Variants in FSTL5 observed in about 807,000 individuals in gnomAD.
FSTL5 encodes follistatin-related protein 5.
Under a neutral mutation model 89.1 loss-of-function variants are expected in FSTL5, and 62 were observed. The observed-to-expected ratio is 0.70, with a 90% CI of 0.57 to 0.86. FSTL5 has a LOEUF of 0.86. Ranked by LOEUF, FSTL5 falls within the 40% of genes least tolerant of loss-of-function variation. The pLI is 0.00. For missense variants in FSTL5, 1,057 were observed against 1,001.6 expected (o/e 1.06, Z -0.75); for synonymous variants, 383 against 346.2 (o/e 1.11, Z -1.18).
chr4:161,425,914 A>G, intron 15 of FSTL5, among the ~76,000 whole-genome samples: 1 of 151,592 alleles, frequency 6.6e-6, no homozygotes, highest in East Asian at 1.9e-4. Context: ...GTGAGGGTAG[A>G]GCTTAAAGGT....
chr4:161,762,871 T>A (rs1030009544), intron 5 of FSTL5, among the ~76,000 whole-genome samples: 1 of 152,116 alleles, frequency 6.6e-6, no homozygotes, highest in East Asian at 1.9e-4. Flanking sequence ...ATGGTTTGGT[T>A]CAGTGTGAAA....
intron 14 of FSTL5, among the ~76,000 whole-genome samples, chr4:161,458,049 G>C (rs1026453079): frequency 6.6e-6 from 1 of 152,190 alleles, no homozygotes; most frequent in Non-Finnish European, 1.5e-5. Flanking sequence ...TGAAGATGCA[G>C]TGTGAGCGTC....
At chr4:161,992,959 T>C (rs1277899865) in intron 3 of FSTL5, among the ~76,000 whole-genome samples, 2 of 131,964 alleles carry the variant, frequency 1.5e-5, no homozygotes, top group African/African-American at 2.8e-5. Flanking sequence ...TATCTATATA[T>C]ATATGTGTGT....
intron 3 of FSTL5, among the ~76,000 whole-genome samples, chr4:161,972,049 C>A (rs1013879819): frequency 1.3e-5 from 2 of 152,070 alleles, no homozygotes; most frequent in Non-Finnish European, 2.9e-5. Context: ...TTCCTTCTGG[C>A]CACTGCTCCA....
chr4:162,130,208 T>C (rs1273027964), intron 1 of FSTL5, among the ~76,000 whole-genome samples: 2 of 152,176 alleles, frequency 1.3e-5, no homozygotes, highest in Non-Finnish European at 2.9e-5. Flanking sequence ...TTTCACTGTC[T>C]ATGTGGGTTC....
At chr4:161,452,551 T>C (rs1168584848) in intron 15 of FSTL5, among the ~76,000 whole-genome samples, 4 of 152,164 alleles carry the variant, frequency 2.6e-5, no homozygotes, top group African/African-American at 9.6e-5. Context: ...GTTCCTGATG[T>C]GGAATAAATC....
chr4:162,025,204 T>C (rs1737234590), intron 3 of FSTL5, among the ~76,000 whole-genome samples: 1 of 152,138 alleles, frequency 6.6e-6, no homozygotes, highest in Non-Finnish European at 1.5e-5. Flanking sequence ...ACTTCAAGTT[T>C]GGAAAATATG....
At chr4:161,427,288 TCTC>T (rs1298732294) in intron 15 of FSTL5, among the ~76,000 whole-genome samples, 1 of 152,228 alleles carries the variant, frequency 6.6e-6, no homozygotes, top group African/African-American at 2.4e-5. Context: ...CAACAGATCT[TCTC>T]CTCTGGGGAG....
intron 1 of FSTL5, among the ~76,000 whole-genome samples, chr4:162,118,063 C>T (rs1731712885): frequency 6.6e-6 from 1 of 152,134 alleles, no homozygotes; most frequent in Non-Finnish European, 1.5e-5. Flanking sequence ...CCTCCCTTGT[C>T]AAGGACAGAA....
At chr4:161,780,696 G>C (rs896069022) in intron 4 of FSTL5, among the ~76,000 whole-genome samples, 1 of 152,194 alleles carries the variant, frequency 6.6e-6, no homozygotes, top group Non-Finnish European at 1.5e-5. Context: ...CACCTGTATA[G>C]CTGGCAGTGC....
intron 6 of FSTL5, among the ~76,000 whole-genome samples, chr4:161,730,871 A>G (rs984565300): frequency 4.6e-5 from 7 of 152,236 alleles, no homozygotes; most frequent in African/African-American, 1.7e-4. Flanking sequence ...TAATAAAAAC[A>G]CGAATATTCT....
intron 14 of FSTL5, among the ~76,000 whole-genome samples, chr4:161,458,670 G>C (rs1438385101): frequency 6.6e-6 from 1 of 152,124 alleles, no homozygotes; most frequent in Non-Finnish European, 1.5e-5. Context: ...GCTTAAACTT[G>C]TAAGGCTAAG....
intron 11 of FSTL5, among the ~76,000 whole-genome samples, chr4:161,508,446 A>C (rs944252393): frequency 1.4e-4 from 21 of 152,184 alleles, no homozygotes; most frequent in African/African-American, 4.8e-4. Context: ...AAAATGTATC[A>C]TATATCTATT....
At chr4:161,437,661 A>T (rs1171484855) in intron 15 of FSTL5, among the ~76,000 whole-genome samples, 1 of 151,942 alleles carries the variant, frequency 6.6e-6, no homozygotes, top group East Asian at 1.9e-4. Context: ...ATCATATTTG[A>T]AGCAATGACT....
chr4:161,591,125 C>T (rs1733805685), intron 7 of FSTL5, among the ~76,000 whole-genome samples: 1 of 152,118 alleles, frequency 6.6e-6, no homozygotes, highest in Non-Finnish European at 1.5e-5. Context: ...ATATATACTG[C>T]AACATGAATA....
At chr4:161,757,511 T>G (rs1451363556) in intron 6 of FSTL5, among the ~76,000 whole-genome samples, 1 of 152,166 alleles carries the variant, frequency 6.6e-6, no homozygotes, top group Non-Finnish European at 1.5e-5. Context: ...CACATAGACT[T>G]CATAATTAGG....
intron 4 of FSTL5, among the ~76,000 whole-genome samples, chr4:161,793,929 G>C (rs1446803564): frequency 6.6e-6 from 1 of 152,038 alleles, no homozygotes; most frequent in East Asian, 1.9e-4. Context: ...TTATAATATG[G>C]ATATAATACG....
At chr4:161,428,242 C>A (rs567683245) in intron 15 of FSTL5, among the ~76,000 whole-genome samples, 3 of 152,192 alleles carry the variant, frequency 2.0e-5, no homozygotes, top group African/African-American at 4.8e-5. Flanking sequence ...ATCTCACCCC[C>A]ACGGGCTAAA....
intron 4 of FSTL5, among the ~76,000 whole-genome samples, chr4:161,842,400 A>C (rs1057369384): frequency 1.3e-5 from 2 of 152,200 alleles, no homozygotes; most frequent in African/African-American, 4.8e-5. Flanking sequence ...TCCAGTAACA[A>C]AGCATAAACA....
Sources: allele counts gnomAD v4.1 joint callset (sites outside exome capture counted in the v4.1 genomes callset), GRCh38; gene constraint gnomAD v4.1.1; transcripts MANE v1.5; gene names NCBI Gene and HGNC (gene_info 2026-07-23, HGNC 2026-07-21).